The following CREB5 variants were observed in gnomAD, a reference collection of about 807,000 sequenced individuals.
CREB5 encodes the protein cAMP responsive element binding protein 5, also known as cyclic AMP-responsive element-binding protein 5.
CREB5 carries 19 observed loss-of-function variants against 57.1 expected under a neutral mutation model. The observed-to-expected ratio is 0.33, with a 90% confidence interval of 0.23 to 0.49. The LOEUF is 0.49. Among genes scored for constraint, CREB5 ranks in the 20% least tolerant of loss-of-function variants. CREB5 has a pLI of 0.99. For synonymous variants in CREB5, 238 were observed against 238.3 expected (o/e 1.00, Z 0.01); for missense variants, 579 against 671.6 (o/e 0.86, Z 1.52).
chr7:28,383,820 C>T (rs914958827), intron 1 of CREB5, among the ~76,000 whole-genome samples: 6 of 152,134 alleles, frequency 3.9e-5, no homozygotes, highest in Admixed American at 2.6e-4. Context: ...TTGGGGAGTA[C>T]AGAAGATGGG....
At chr7:28,445,657 T>C (rs944250269) in intron 1 of CREB5, among the ~76,000 whole-genome samples, 9 of 152,078 alleles carry the variant, frequency 5.9e-5, no homozygotes, top group Non-Finnish European at 1.3e-4. Context: ...GTTCACGCCA[T>C]TCTCCTGCCT....
chr7:28,749,836 A>C (rs1804879228), intron 7 of CREB5, among the ~76,000 whole-genome samples: 1 of 152,210 alleles, frequency 6.6e-6, no homozygotes, highest in Non-Finnish European at 1.5e-5. Flanking sequence ...TTTTTATGCA[A>C]GATAAATAGT....
At chr7:28,646,345 T>G (rs1287385964) in intron 5 of CREB5, among the ~76,000 whole-genome samples, 2 of 151,938 alleles carry the variant, frequency 1.3e-5, no homozygotes, top group Non-Finnish European at 2.9e-5. Context: ...GTCTAGTGGT[T>G]AGGGGGAAAA....
rs74867941 is a variant in CREB5, at chr7:28,414,614, G to A, written c.3+1697G>A. Among the ~76,000 whole-genome samples the A allele has an allele frequency of 5.9e-3, 898 of 152,136 alleles. 8 individuals carry two copies. The highest frequency in any genetic ancestry group is 0.02 in the African/African-American group (849 of 41,516). ...AAATAAGTAAGCTATCTATTTTGTG[G>A]CAATGCTTTAAATACAAAGTCTGGC... On this transcript the variant is annotated intron_variant, in intron 1 of 10. Transcript: ENST00000357727.
intron 1 of CREB5, among the ~76,000 whole-genome samples, chr7:28,445,647 G>C (rs1386217285): frequency 6.6e-6 from 1 of 151,958 alleles, no homozygotes; most frequent in East Asian, 1.9e-4. Flanking sequence ...CGCCTCCCAG[G>C]TTCACGCCAT....
intron 5 of CREB5, among the ~76,000 whole-genome samples, chr7:28,709,183 T>C (rs1436582400): frequency 6.6e-6 from 1 of 152,240 alleles, no homozygotes; most frequent in Admixed American, 6.5e-5. Flanking sequence ...TGGGAAGTTA[T>C]TGGCTGATTG....
chr7:28,817,570 T>C (rs1472410599), intron 9 of CREB5, among the ~76,000 whole-genome samples: 1 of 152,334 alleles, frequency 6.6e-6, no homozygotes, highest in East Asian at 1.9e-4. Flanking sequence ...ACATTCTCAA[T>C]TGGATGTAAA....
intron 5 of CREB5, among the ~76,000 whole-genome samples, chr7:28,623,861 C>G (rs1797894608): frequency 1.3e-5 from 2 of 152,068 alleles, no homozygotes; most frequent in African/African-American, 4.8e-5. Flanking sequence ...GAAAACTATG[C>G]AGAATATTAA....
At position 28,658,250 on chromosome 7, in the gene CREB5, A is replaced by G. The variant is rs573923558; in HGVS notation, c.465-60503A>G. ...CCCCAGACTTGTTTTTCAAAGAATC[A>G]GGATAAAATTTCTGAAGTCAAAGAG... On this transcript the variant is annotated intron_variant, in intron 5 of 10. Coordinates refer to ENST00000357727, the MANE Select transcript of CREB5 (RefSeq NM_182898.4). 3.3e-4 allele frequency among the ~76,000 whole-genome samples: 50 copies of G among 152,342 alleles called. No individual in the cohort carries two copies. The South Asian group carries it at 0.01, about 32-fold the overall frequency.
chr7:28,365,609 G>T (rs1176936448), intron 1 of CREB5, among the ~76,000 whole-genome samples: 1 of 151,970 alleles, frequency 6.6e-6, no homozygotes, highest in African/African-American at 2.4e-5. Context: ...CTTACTTGCA[G>T]TCCCTACTTC....
chr7:28,560,851 T>TGCGCGC (rs1416148801), intron 4 of CREB5, among the ~76,000 whole-genome samples: 4 of 69,138 alleles, frequency 5.8e-5, no homozygotes, highest in Non-Finnish European at 8.8e-5. Context: ...TGTGCGCGTG[T>TGCGCGC]GTGTGTGCGT....
intron 5 of CREB5, among the ~76,000 whole-genome samples, chr7:28,702,154 T>C (rs532977689): frequency 2.6e-5 from 4 of 152,326 alleles, no homozygotes; most frequent in Admixed American, 6.5e-5. Flanking sequence ...GTGGCACTTA[T>C]AATTATAGCT....
rs542452778 is a variant in CREB5, at chr7:28,724,135, C to T, written c.592-87C>T. Reference sequence around the variant, plus strand: ...AGGATTTCTTCAAAGAAATACTAAACGATCCATTGGACAGAAAAGTGCAGC... The same window carrying T: ...AGGATTTCTTCAAAGAAATACTAAATGATCCATTGGACAGAAAAGTGCAGC... On this transcript the variant is annotated intron_variant, in intron 6 of 10. Transcript: ENST00000357727. 7.4e-4 allele frequency: 826 copies of T among 1,123,524 alleles called. 1 individual carries two copies. The highest frequency in any genetic ancestry group is 3.3e-3 in the Middle Eastern group (16 of 4,846). 69.6% of individuals were successfully genotyped at this position (1,123,524 alleles called of 1,614,324 possible). A position where few individuals can be genotyped will look rare whatever the true frequency, so the allele number is the denominator to read the frequency against.
chr7:28,355,263 C>A (rs887156260), intron 1 of CREB5, among the ~76,000 whole-genome samples: 11 of 152,162 alleles, frequency 7.2e-5, no homozygotes, highest in African/African-American at 2.7e-4. Flanking sequence ...ATGTGCAGCA[C>A]CTGCTCTGGA....
intron 2 of CREB5, chr7:28,491,410 GTTAA>G (rs1349683599): frequency 2.3e-5 from 5 of 221,990 alleles, no homozygotes; most frequent in Non-Finnish European, 3.7e-5. Context: ...AGTAGAGGTG[GTTAA>G]TTAAGGTTGA....
chr7:28,612,543 G>GGGGTGT (rs201666363), intron 5 of CREB5, among the ~76,000 whole-genome samples: 3 of 137,300 alleles, frequency 2.2e-5, no homozygotes, highest in Non-Finnish European at 4.7e-5. Context: ...TTAGAGAAGG[G>GGGGTGT]GTGTGTGTGT....
intron 3 of CREB5, among the ~76,000 whole-genome samples, chr7:28,499,176 GAAAAA>G (rs34378552): frequency 2.4e-5 from 3 of 126,232 alleles, no homozygotes; most frequent in East Asian, 2.4e-4. Flanking sequence ...TTCTGTGCAG[GAAAAA>G]AAAAAAAAAA....
At chr7:28,686,374 G>T (rs1002211591) in intron 5 of CREB5, among the ~76,000 whole-genome samples, 1 of 149,898 alleles carries the variant, frequency 6.7e-6, no homozygotes, top group African/African-American at 2.5e-5. Context: ...CAGCCCCTCC[G>T]CTCCTCTTCT....
At chr7:28,455,635 C>G (rs920671865) in intron 1 of CREB5, among the ~76,000 whole-genome samples, 1 of 151,484 alleles carries the variant, frequency 6.6e-6, no homozygotes, top group African/African-American at 2.4e-5. Flanking sequence ...GACCTTCCGG[C>G]TCAGGAGTGA....
Sources: allele counts gnomAD v4.1 joint callset (sites outside exome capture counted in the v4.1 genomes callset), GRCh38; gene constraint gnomAD v4.1.1; transcripts MANE v1.5; gene names NCBI Gene and HGNC (gene_info 2026-07-23, HGNC 2026-07-21).